Variants in SMG6 observed in about 807,000 individuals in gnomAD.
SMG6 encodes SMG6 nonsense mediated mRNA decay factor.
Under a neutral mutation model 142.2 loss-of-function variants are expected in SMG6, and 66 were observed. That is an observed-to-expected ratio of 0.46 (90% confidence interval 0.38 to 0.57). SMG6 has a LOEUF of 0.57. Ranked by LOEUF, SMG6 falls within the 20% of genes least tolerant of loss-of-function variation. The pLI is 0.00. For synonymous variants in SMG6, 779 were observed against 702.4 expected (o/e 1.11, Z -1.72); for missense variants, 1,793 against 1,832.0 (o/e 0.98, Z 0.39).
intron 15 of SMG6, among the ~76,000 whole-genome samples, chr17:2,080,104 CA>C (rs2068373295): frequency 7.2e-6 from 1 of 138,490 alleles, no homozygotes; most frequent in South Asian, 2.4e-4. Context: ...CAAAACAAAA[CA>C]AAACAAAACA....
In SMG6 at chr17:2,299,679, G is replaced by A. The variant is rs776380930; in HGVS notation, c.1074C>T (p.Ala358=). ...TCACCATGGGAGACTCTTTGTTCAT[G>A]GCTTCTGCATCGAAAGTGACACGAA... The part of the protein sequence containing the change: ...GTLRVTFDAE[A]MNKESPMVRS... Residue 358 remains alanine (A), a synonymous_variant, in exon 2 of 19, where the codon GCC becomes GCT. Coordinates refer to ENST00000263073, the MANE Select transcript of SMG6 (RefSeq NM_017575.5). This position sits in a 1 kb window ranked among gnomAD's most constrained non-coding sequence, Gnocchi z 4.3. The A allele has an allele frequency of 1.2e-5, 20 of 1,614,026 alleles. No individual in the cohort carries two copies. Among genetic ancestry groups the A allele is most frequent in the Non-Finnish European group, 1.5e-5 (18 of 1,180,046 alleles).
chr17:2,188,165 AG>A (rs2072048522), intron 11 of SMG6, among the ~76,000 whole-genome samples: 1 of 152,206 alleles, frequency 6.6e-6, no homozygotes, highest in African/African-American at 2.4e-5. Context: ...TAACTACTAA[AG>A]GAGAAAAGAG....
chr17:2,135,996 ATGTGTGTGTGTGTGTGTGTGTGTG>A (rs545225787), intron 13 of SMG6, among the ~76,000 whole-genome samples: 9 of 141,108 alleles, frequency 6.4e-5, no homozygotes, highest in Non-Finnish European at 1.1e-4. Flanking sequence ...ATATATATTT[ATGTGTGTGTGTGTGTGTGTGTGTG>A]TGTGTGTGTG....
At chr17:2,140,366 A>AT (rs1185922957) in intron 13 of SMG6, among the ~76,000 whole-genome samples, 1 of 152,132 alleles carries the variant, frequency 6.6e-6, no homozygotes, top group East Asian at 1.9e-4. Flanking sequence ...CTGACACTTT[A>AT]TTTTTTTAAA....
rs915657948 is a variant in SMG6 at position 2,303,422 on chromosome 17, C to T, written c.88+211G>A. ...TGGAGGCAGGAATTCGGGCCAGGCT[C>T]TCCCGGAGCTGGCCAGGACTGGCCG... On this transcript the variant is annotated intron_variant, in intron 1 of 18. Coordinates refer to ENST00000263073, the MANE Select transcript of SMG6 (RefSeq NM_017575.5). 10 of 1,261,156 alleles carry T rather than the reference C, an allele frequency of 7.9e-6. No homozygotes were observed. In the African/African-American group the frequency reaches 1.2e-4, roughly 16 times the overall value. The allele number at this position is 1,261,156 out of a possible 1,614,324, so 78.1% of individuals were successfully genotyped here. A position where few individuals can be genotyped will look rare whatever the true frequency, so the allele number is the denominator to read the frequency against.
intron 13 of SMG6, chr17:2,127,706 C>A: frequency 1.8e-6 from 1 of 566,284 alleles, no homozygotes; most frequent in South Asian, 1.4e-5. Flanking sequence ...TCTGTTCGGA[C>A]TTTAATCACT....
chr17:2,298,406 G>C (rs1045399707), intron 2 of SMG6, among the ~76,000 whole-genome samples: 1 of 152,170 alleles, frequency 6.6e-6, no homozygotes, highest in Non-Finnish European at 1.5e-5. Flanking sequence ...AGAAAAAGTA[G>C]GATGCATAAT....
chr17:2,282,497 A>T, intron 8 of SMG6, 150 bp downstream of exon 8: 2 of 699,018 alleles, frequency 2.9e-6, no homozygotes, highest in South Asian at 3.4e-5. Flanking sequence ...AAGGAAGCGT[A>T]CATGAGAAGG....
intron 9 of SMG6, 199 bp from the exon 10 acceptor site, chr17:2,236,836 A>G (rs1205933392): frequency 1.5e-6 from 2 of 1,291,550 alleles, no homozygotes; most frequent in Non-Finnish European, 9.8e-7. Context: ...TTCAAGATAA[A>G]GGAGTTTTCA....
At chr17:2,218,515 C>T (rs1297467278) in intron 10 of SMG6, among the ~76,000 whole-genome samples, 3 of 152,160 alleles carry the variant, frequency 2.0e-5, no homozygotes, top group Non-Finnish European at 4.4e-5. Context: ...CACTGCACTC[C>T]AGCCTGAGCG....
intron 9 of SMG6, chr17:2,237,682 G>T: frequency 2.3e-6 from 1 of 434,930 alleles, no homozygotes; most frequent in Non-Finnish European, 3.1e-6. Context: ...GTGACCTAGG[G>T]CTCCTAAGGA....
At chr17:2,228,649 C>T (rs1360110862) in intron 10 of SMG6, among the ~76,000 whole-genome samples, 1 of 152,250 alleles carries the variant, frequency 6.6e-6, no homozygotes, top group Non-Finnish European at 1.5e-5. Flanking sequence ...AGGCGCAAGC[C>T]ACCGTGCCTG....
At chr17:2,155,871 C>T (rs1269159725) in intron 13 of SMG6, among the ~76,000 whole-genome samples, 1 of 152,176 alleles carries the variant, frequency 6.6e-6, no homozygotes, top group Non-Finnish European at 1.5e-5. Flanking sequence ...TTTTAATCCA[C>T]ACGCTCCTGA....
rs1018898662 is a variant in SMG6, at chr17:2,297,121, T to C, written c.2151+122A>G. ...ATTGTTGGTTTAATCTATCTGTCCCTGCACTGAACTGTATCATTATTTTAT... is the reference window on the plus strand; with the variant it reads ...ATTGTTGGTTTAATCTATCTGTCCCCGCACTGAACTGTATCATTATTTTAT... On this transcript the variant is annotated intron_variant, in intron 4 of 18. Transcript: ENST00000263073. The C allele has an allele frequency of 7.9e-6, 5 of 631,956 alleles. No individual in the cohort carries two copies. In the African/African-American group the frequency reaches 9.1e-5, roughly 11 times the overall value. 39.1% of individuals were successfully genotyped at this position (631,956 alleles called of 1,614,324 possible).
At chr17:2,233,474 T>C (rs1023375777) in intron 10 of SMG6, 1 of 152,346 alleles carries the variant, frequency 6.6e-6, no homozygotes, top group Non-Finnish European at 1.5e-5. Flanking sequence ...GCCCTGATGG[T>C]GGGTGGCAAC....
intron 13 of SMG6, among the ~76,000 whole-genome samples, chr17:2,137,007 TAAAAA>T (rs986472113): frequency 1.3e-5 from 2 of 151,598 alleles, no homozygotes; most frequent in Non-Finnish European, 2.9e-5. Flanking sequence ...AAAAATAAAA[TAAAAA>T]AATTAGCTGG....
intron 13 of SMG6, among the ~76,000 whole-genome samples, chr17:2,158,474 A>G (rs1045650517): frequency 6.6e-6 from 1 of 152,224 alleles, no homozygotes; most frequent in Non-Finnish European, 1.5e-5. Context: ...TTAGGCAGCT[A>G]AAGATTCATT....
Position 2,300,392 on chromosome 17 carries a change from A to T in SMG6, c.361T>A (p.Phe121Ile), listed in dbSNP as rs1403325950. Reference sequence around the variant, plus strand: ...TCCTCTTGTCCAGCAGTCCTAGGAAAGGATTCTTGTCCCCGATTATTTTCT... The same window carrying T: ...TCCTCTTGTCCAGCAGTCCTAGGAATGGATTCTTGTCCCCGATTATTTTCT... ...DPENNRGQES[F>I]PRTAGQEDRS... The change falls in exon 2 of 19, where the codon TTT becomes ATT. Residue 121 changes from phenylalanine (F) to isoleucine (I), a missense_variant. Phe to Ile is a conservative substitution (Grantham distance 21, BLOSUM62 0). Around this residue, in one of 3 missense-constraint regions of SMG6, gnomAD observed 1,597 missense variants for 1,584.6 expected, o/e 1.01. Coordinates refer to ENST00000263073, the MANE Select transcript of SMG6 (RefSeq NM_017575.5). The T allele has an allele frequency of 6.2e-7, 1 of 1,614,126 alleles. No homozygotes were observed. The highest frequency in any genetic ancestry group is 8.5e-7 in the Non-Finnish European group (1 of 1,180,032).
intron 15 of SMG6, among the ~76,000 whole-genome samples, chr17:2,081,357 T>C (rs973025574): frequency 6.6e-6 from 1 of 152,036 alleles, no homozygotes. Context: ...GGGAGTATCT[T>C]GTCCAGAGGA....
Sources: allele counts gnomAD v4.1 joint callset (sites outside exome capture counted in the v4.1 genomes callset), GRCh38; gene constraint gnomAD v4.1.1; regional missense constraint gnomAD v4.1.1; non-coding constraint Gnocchi (gnomAD v3.1); transcripts MANE v1.5; gene names NCBI Gene and HGNC (gene_info 2026-07-23, HGNC 2026-07-21).